Variants in ACTR3C observed in about 807,000 individuals in gnomAD.
ACTR3C encodes the protein actin-related protein 3C.
A neutral mutation model predicts 26.3 loss-of-function variants in ACTR3C; 18 were observed. That is an observed-to-expected ratio of 0.68 (90% confidence interval 0.47 to 1.01). ACTR3C has a LOEUF of 1.01. ACTR3C is among the 50% of genes least tolerant of loss of function. The probability of loss-of-function intolerance (pLI) is 0.00; values close to 1 mark genes in which losing one functional copy is unlikely to be tolerated. For missense variants in ACTR3C, 184 were observed against 250.7 expected (o/e 0.73, Z 1.80); for synonymous variants, 55 against 94.5 (o/e 0.58, Z 2.42).
the ACTR3C span, among the ~76,000 whole-genome samples, chr7:150,103,691 A>G: frequency 6.6e-6 from 1 of 151,888 alleles, no homozygotes; most frequent in East Asian, 1.9e-4. Context: ...TTCAGAGACA[A>G]TATTACCTTC....
the ACTR3C span, among the ~76,000 whole-genome samples, chr7:149,977,585 G>A: frequency 4.6e-5 from 7 of 152,098 alleles, no homozygotes; most frequent in South Asian, 2.1e-4. Flanking sequence ...TCAGTTACAC[G>A]ATGAAAACCT....
chr7:149,932,080 C>T, the ACTR3C span, among the ~76,000 whole-genome samples: 1 of 152,162 alleles, frequency 6.6e-6, no homozygotes, highest in African/African-American at 2.4e-5. Context: ...TGAAAACCAG[C>T]CAGGAAGTGT....
the ACTR3C span, among the ~76,000 whole-genome samples, chr7:150,008,558 T>C: frequency 2.6e-5 from 4 of 151,990 alleles, no homozygotes; most frequent in African/African-American, 9.7e-5. Flanking sequence ...AAGCACGAGT[T>C]TCTCTTAAAA....
At chr7:150,314,715 G>A (rs1425251178) in intron 1 of ACTR3C, among the ~76,000 whole-genome samples, 1 of 150,882 alleles carries the variant, frequency 6.6e-6, no homozygotes, top group Non-Finnish European at 1.5e-5. Flanking sequence ...GGCTGAGGTG[G>A]GTGGATCCCT....
chr7:149,910,332 T>A, the ACTR3C span, among the ~76,000 whole-genome samples: 2 of 152,358 alleles, frequency 1.3e-5, no homozygotes, highest in East Asian at 3.8e-4. Flanking sequence ...CATCTCTTCA[T>A]CATCTCATTT....
chr7:149,893,372 T>G, the ACTR3C span, among the ~76,000 whole-genome samples: 1 of 152,254 alleles, frequency 6.6e-6, no homozygotes, highest in African/African-American at 2.4e-5. Context: ...ATAACATCCA[T>G]CTTTTACTGT....
chr7:150,108,342 T>C, the ACTR3C span, among the ~76,000 whole-genome samples: 2 of 150,676 alleles, frequency 1.3e-5, no homozygotes, highest in African/African-American at 4.9e-5. Context: ...AAATCAGAAG[T>C]CAGGAATAGG....
intron 6 of ACTR3C, among the ~76,000 whole-genome samples, chr7:150,252,875 T>C (rs1832950603): frequency 6.6e-6 from 1 of 152,130 alleles, no homozygotes; most frequent in African/African-American, 2.4e-5. Context: ...ATTAATATGA[T>C]ATATTGTGTG....
At chr7:149,979,116 C>T in the ACTR3C span, among the ~76,000 whole-genome samples, 2 of 152,244 alleles carry the variant, frequency 1.3e-5, no homozygotes, top group African/African-American at 2.4e-5. Context: ...CTGGGCACAT[C>T]AGATTTAGCA....
chr7:149,941,591 C>T, the ACTR3C span, among the ~76,000 whole-genome samples: 1 of 152,206 alleles, frequency 6.6e-6, no homozygotes, highest in African/African-American at 2.4e-5. Flanking sequence ...CAGGGAAAGG[C>T]ACCTGCAGGC....
the ACTR3C span, among the ~76,000 whole-genome samples, chr7:150,038,814 C>T: frequency 1.4e-5 from 2 of 141,614 alleles, 1 homozygote; most frequent in African/African-American, 5.5e-5. Context: ...GTGCCTCCCC[C>T]CTCTGCGATG....
the ACTR3C span, among the ~76,000 whole-genome samples, chr7:150,095,381 C>T: frequency 6.6e-6 from 1 of 150,534 alleles, no homozygotes; most frequent in Admixed American, 6.6e-5. Context: ...TGGATAGGAC[C>T]GGCCAACTTC....
At chr7:150,149,079 GTATATATATATATATATATATA>G in the ACTR3C span, among the ~76,000 whole-genome samples, 1,661 of 93,146 alleles carry the variant, frequency 0.018, 61 homozygotes, top group African/African-American at 0.042. Context: ...TAAAGTTTGA[GTATATATATATATATATATATA>G]TATATATATA....
chr7:150,275,141 A>G (rs1834766192), intron 6 of ACTR3C, among the ~76,000 whole-genome samples: 3 of 152,260 alleles, frequency 2.0e-5, no homozygotes, highest in Admixed American at 2.0e-4. Flanking sequence ...ATTATGCCAG[A>G]AAAGCATACA....
At chr7:150,164,465 G>A in the ACTR3C span, among the ~76,000 whole-genome samples, 1 of 151,896 alleles carries the variant, frequency 6.6e-6, no homozygotes, top group African/African-American at 2.4e-5. Context: ...AAAAATAGGG[G>A]GCTTCTTTTT....
At chr7:149,930,693 G>C in the ACTR3C span, among the ~76,000 whole-genome samples, 19 of 152,360 alleles carry the variant, frequency 1.2e-4, no homozygotes, top group East Asian at 3.7e-3. Context: ...GTGTTTTCTT[G>C]AAGATTGTTT....
chr7:150,134,447 C>G, the ACTR3C span, among the ~76,000 whole-genome samples: 2 of 152,212 alleles, frequency 1.3e-5, no homozygotes, highest in Non-Finnish European at 2.9e-5. Flanking sequence ...CGTGTTTTCT[C>G]TTAGAAAAAG....
the ACTR3C span, among the ~76,000 whole-genome samples, chr7:150,194,081 T>C: frequency 6.7e-6 from 1 of 149,400 alleles, no homozygotes; most frequent in Non-Finnish European, 1.5e-5. Context: ...TTTAAAAAAA[T>C]TTTTGACTTC....
the ACTR3C span, among the ~76,000 whole-genome samples, chr7:149,991,055 C>T: frequency 6.6e-6 from 1 of 152,142 alleles, no homozygotes; most frequent in Non-Finnish European, 1.5e-5. Context: ...GTTTAATGGA[C>T]TCACAGTTCC....
Sources: gnomAD v4.1 joint callset for allele counts (sites outside exome capture counted in the v4.1 genomes callset) on GRCh38, gnomAD v4.1.1 for gene constraint, MANE v1.5 for transcripts, NCBI Gene and HGNC (gene_info 2026-07-23, HGNC 2026-07-21) for gene names.